The following DENND1B variants were observed in gnomAD, a reference collection of about 807,000 sequenced individuals.
The protein encoded by DENND1B is DENN domain-containing protein 1B.
DENND1B carries 59 observed loss-of-function variants against 90.1 expected under a neutral mutation model. The observed-to-expected ratio is 0.65, with a 90% confidence interval of 0.53 to 0.81. The LOEUF is 0.81. Ranked by LOEUF, DENND1B falls within the 40% of genes least tolerant of loss-of-function variation. The pLI, the probability that DENND1B is intolerant of heterozygous loss-of-function variation, is 0.00. For missense variants in DENND1B, 862 were observed against 912.6 expected (o/e 0.94, Z 0.71); for synonymous variants, 337 against 324.6 (o/e 1.04, Z -0.41).
chr1:197,736,372 A>C (rs1413126225), intron 2 of DENND1B, among the ~76,000 whole-genome samples: 1 of 152,162 alleles, frequency 6.6e-6, no homozygotes, highest in African/African-American at 2.4e-5. Context: ...CTATCGAGAC[A>C]GGATCTTGCT....
intron 2 of DENND1B, among the ~76,000 whole-genome samples, chr1:197,752,882 G>A (rs61829348): frequency 6.6e-6 from 1 of 152,008 alleles, no homozygotes; most frequent in Non-Finnish European, 1.5e-5. Flanking sequence ...AGAACATGCA[G>A]TGTTTGGTTT....
intron 9 of DENND1B, among the ~76,000 whole-genome samples, chr1:197,644,737 T>C (rs1190167552): frequency 2.0e-5 from 3 of 152,150 alleles, no homozygotes; most frequent in Non-Finnish European, 4.4e-5. Flanking sequence ...ACAGTCTTGG[T>C]TTGGTATCAG....
intron 15 of DENND1B, among the ~76,000 whole-genome samples, chr1:197,554,270 G>C (rs1415852393): frequency 6.6e-6 from 1 of 151,964 alleles, no homozygotes; most frequent in Non-Finnish European, 1.5e-5. Flanking sequence ...CCTTGCTTAA[G>C]AGGCAGGGGA....
At chr1:197,536,113 GGAGGGAGA>G (rs1474204215) in intron 20 of DENND1B, among the ~76,000 whole-genome samples, 4 of 140,588 alleles carry the variant, frequency 2.8e-5, no homozygotes, top group Non-Finnish European at 6.3e-5. Flanking sequence ...AGAGACGGAG[GGAGGGAGA>G]GAGGGAGAGA....
At chr1:197,687,560 CACTTTCTTCAAGATCTCTT>C (rs1657380867) in intron 3 of DENND1B, among the ~76,000 whole-genome samples, 1 of 152,174 alleles carries the variant, frequency 6.6e-6, no homozygotes. Flanking sequence ...CTTTACTCTT[CACTTTCTTCAAGATCTCTT>C]AATAGATGCA....
intron 10 of DENND1B, among the ~76,000 whole-genome samples, chr1:197,625,524 T>C (rs1678607363): frequency 6.6e-6 from 1 of 151,962 alleles, no homozygotes; most frequent in African/African-American, 2.4e-5. Context: ...GCACTAAACA[T>C]GGAAAGGAAC....
At chr1:197,656,785 C>A (rs1033250611) in intron 6 of DENND1B, among the ~76,000 whole-genome samples, 2 of 150,072 alleles carry the variant, frequency 1.3e-5, no homozygotes, top group Non-Finnish European at 3.0e-5. Context: ...CTCTGGGCAA[C>A]AGAGCAAGAC....
chr1:197,639,269 G>A (rs1157235821), intron 10 of DENND1B, among the ~76,000 whole-genome samples: 1 of 151,936 alleles, frequency 6.6e-6, no homozygotes, highest in African/African-American at 2.4e-5. Flanking sequence ...TCGCTATGTT[G>A]GCCAGGCTGG....
intron 13 of DENND1B, among the ~76,000 whole-genome samples, chr1:197,598,325 A>C (rs895342849): frequency 6.6e-6 from 1 of 151,824 alleles, no homozygotes; most frequent in Admixed American, 6.6e-5. Flanking sequence ...ATGAATGCTC[A>C]AAAATAGTCT....
chr1:197,726,148 G>C (rs1315109229), intron 2 of DENND1B, among the ~76,000 whole-genome samples: 1 of 152,056 alleles, frequency 6.6e-6, no homozygotes, highest in South Asian at 2.1e-4. Context: ...CAGAATTCAT[G>C]GCAAGGGCAA....
At chr1:197,607,844 A>G (rs1443445253) in intron 12 of DENND1B, among the ~76,000 whole-genome samples, 2 of 150,762 alleles carry the variant, frequency 1.3e-5, no homozygotes, top group East Asian at 3.9e-4. Context: ...TCTACAAATA[A>G]TAGTAAATAA....
rs971923854 is a variant in DENND1B at position 197,566,342 on chromosome 1, T to C, written c.1150-13230A>G. Among the ~76,000 whole-genome samples the C allele has an allele frequency of 7.2e-5, 11 of 152,164 alleles. No individual in the cohort carries two copies. In the South Asian group the frequency reaches 1.5e-3, roughly 20 times the overall value. ...GCCCACTTTTTGATGGGGTTGTTTG[T>C]TTTTTTCTTGTAAATTTGTTTGAGT... is the stretch of plus-strand genomic sequence containing the variant. On this transcript the variant is annotated intron_variant, in intron 15 of 22. Transcript: ENST00000620048.
intron 2 of DENND1B, among the ~76,000 whole-genome samples, chr1:197,715,787 C>A (rs1660583026): frequency 6.6e-6 from 1 of 151,748 alleles, no homozygotes; most frequent in Non-Finnish European, 1.5e-5. Flanking sequence ...TTCTCTTCTA[C>A]TTAGCACACT....
chr1:197,563,249 G>A (rs553971568), intron 15 of DENND1B, among the ~76,000 whole-genome samples: 4 of 152,076 alleles, frequency 2.6e-5, no homozygotes, highest in African/African-American at 4.8e-5. Flanking sequence ...TATCATCCAC[G>A]ACATTCATAG....
intron 3 of DENND1B, among the ~76,000 whole-genome samples, chr1:197,713,716 C>G (rs1660192893): frequency 1.4e-5 from 1 of 72,806 alleles, no homozygotes; most frequent in Non-Finnish European, 2.6e-5. Flanking sequence ...CACATGTACT[C>G]TAAAACTTAG....
chr1:197,742,002 T>C (rs1467020674), intron 2 of DENND1B, among the ~76,000 whole-genome samples: 1 of 152,090 alleles, frequency 6.6e-6, no homozygotes, highest in Non-Finnish European at 1.5e-5. Flanking sequence ...CAAAATTAAT[T>C]TAAAATAATA....
chr1:197,706,853 T>C (rs769396381), intron 3 of DENND1B, among the ~76,000 whole-genome samples: 2 of 152,002 alleles, frequency 1.3e-5, no homozygotes, highest in Non-Finnish European at 2.9e-5. Context: ...AGCAATTATA[T>C]AAAAAATAGT....
chr1:197,600,489 T>C (rs909806634), intron 13 of DENND1B, among the ~76,000 whole-genome samples: 1 of 151,746 alleles, frequency 6.6e-6, no homozygotes, highest in African/African-American at 2.4e-5. Flanking sequence ...TACGGCAAGG[T>C]AGACAAAGAG....
intron 15 of DENND1B, among the ~76,000 whole-genome samples, chr1:197,559,914 G>A (rs1672024363): frequency 6.6e-6 from 1 of 151,822 alleles, no homozygotes; most frequent in Admixed American, 6.6e-5. Flanking sequence ...AAGCAAGGTA[G>A]GTCAGCTCAA....
Sources: allele counts gnomAD v4.1 joint callset (sites outside exome capture counted in the v4.1 genomes callset), GRCh38; gene constraint gnomAD v4.1.1; transcripts MANE v1.5; gene names NCBI Gene and HGNC (gene_info 2026-07-23, HGNC 2026-07-21).